FAM227B: variants seen among roughly 807,000 people sequenced by gnomAD.
FAM227B encodes protein FAM227B.
FAM227B carries 88 observed loss-of-function variants against 73.8 expected under a neutral mutation model. The ratio of observed to expected loss-of-function variants is 1.19; its 90% CI spans 1.00 to 1.42. The LOEUF (loss-of-function observed/expected upper bound fraction) is 1.42, where lower values mean the gene tolerates loss of function less well. Ranked by LOEUF, FAM227B falls within the 40% of genes most tolerant of loss-of-function variation. FAM227B has a pLI of 0.00. For synonymous variants in FAM227B, 210 were observed against 190.5 expected (o/e 1.10, Z -0.84); for missense variants, 632 against 590.9 (o/e 1.07, Z -0.72).
At chr15:49,432,724 T>C (rs1262997802) in intron 11 of FAM227B, among the ~76,000 whole-genome samples, 1 of 151,690 alleles carries the variant, frequency 6.6e-6, no homozygotes, top group Non-Finnish European at 1.5e-5. Context: ...GAAGATTATA[T>C]ATGATTTCGG....
At chr15:49,555,709 A>G (rs1466369236) in intron 9 of FAM227B, among the ~76,000 whole-genome samples, 2 of 152,160 alleles carry the variant, frequency 1.3e-5, no homozygotes, top group Non-Finnish European at 2.9e-5. Flanking sequence ...TCTTTACATA[A>G]TCCCATATCT....
chr15:49,546,421 G>A (rs1158277342), intron 9 of FAM227B, among the ~76,000 whole-genome samples: 3 of 152,064 alleles, frequency 2.0e-5, no homozygotes, highest in Non-Finnish European at 2.9e-5. Context: ...ATAAACATAC[G>A]TGTGCATGTG....
At chr15:49,406,922 A>G (rs1294709952) in intron 11 of FAM227B, among the ~76,000 whole-genome samples, 2 of 152,044 alleles carry the variant, frequency 1.3e-5, no homozygotes, top group Non-Finnish European at 1.5e-5. Flanking sequence ...GTTATGAGGC[A>G]GGACCCCAGA....
intron 11 of FAM227B, among the ~76,000 whole-genome samples, chr15:49,499,376 A>G (rs931853932): frequency 2.0e-5 from 3 of 152,110 alleles, no homozygotes; most frequent in African/African-American, 7.2e-5. Context: ...AGTAAAAACT[A>G]GAAAACATTG....
At chr15:49,530,563 G>A (rs1035769645) in intron 10 of FAM227B, among the ~76,000 whole-genome samples, 7 of 151,746 alleles carry the variant, frequency 4.6e-5, no homozygotes, top group Middle Eastern at 3.5e-3. Flanking sequence ...GATACCATTG[G>A]GTAAAAGTGA....
intron 5 of FAM227B, among the ~76,000 whole-genome samples, chr15:49,584,219 C>G (rs2076001575): frequency 6.6e-6 from 1 of 152,192 alleles, no homozygotes; most frequent in South Asian, 2.1e-4. Context: ...ATATGCAAAT[C>G]AATAAATGTG....
chr15:49,541,643 C>A, intron 10 of FAM227B, 37 bp downstream of exon 10: 2 of 1,357,480 alleles, frequency 1.5e-6, no homozygotes, highest in East Asian at 5.5e-5. Context: ...TTTTAGAAAC[C>A]AAAACAATGA....
At chr15:49,577,862 A>C (rs2075560239) in intron 5 of FAM227B, among the ~76,000 whole-genome samples, 198 bp from the exon 6 acceptor site, 1 of 152,226 alleles carries the variant, frequency 6.6e-6, no homozygotes, top group Non-Finnish European at 1.5e-5. Flanking sequence ...GTTATGGTTC[A>C]AAAACGGAAT....
At chr15:49,436,405 T>C (rs560743687) in intron 11 of FAM227B, among the ~76,000 whole-genome samples, 1 of 151,652 alleles carries the variant, frequency 6.6e-6, no homozygotes, top group Admixed American at 6.6e-5. Flanking sequence ...CCTTCCAGCT[T>C]TCCTTTTATC....
chr15:49,459,119 A>G (rs1004044173), intron 11 of FAM227B, among the ~76,000 whole-genome samples: 7 of 152,216 alleles, frequency 4.6e-5, no homozygotes, highest in African/African-American at 1.4e-4. Flanking sequence ...AGTTTCCCAG[A>G]AAGTTTCAAA....
At chr15:49,371,730 A>G (rs1163509649) in intron 11 of FAM227B, among the ~76,000 whole-genome samples, 2 of 150,156 alleles carry the variant, frequency 1.3e-5, no homozygotes, top group East Asian at 3.9e-4. Context: ...ACTTATAAAT[A>G]AATAATGAAA....
chr15:49,589,055 T>C (rs538976555), intron 4 of FAM227B, among the ~76,000 whole-genome samples: 3 of 152,268 alleles, frequency 2.0e-5, no homozygotes, highest in South Asian at 4.1e-4. Flanking sequence ...ATTATAAGTA[T>C]TTAAAACTAT....
chr15:49,487,680 A>G (rs910526599), intron 11 of FAM227B: 1 of 151,928 alleles, frequency 6.6e-6, no homozygotes, highest in Non-Finnish European at 1.5e-5. Context: ...AATTTCTCTA[A>G]TAGTAGAGGT....
rs77034481 is a variant in FAM227B, at chr15:49,557,745, C to G, written c.747+10500G>C. On this transcript the variant is annotated intron_variant, in intron 9 of 15. Coordinates refer to ENST00000299338, the MANE Select transcript of FAM227B (RefSeq NM_152647.3). ...ACTTCTGTGATAGACCTTTGCAATC[C>G]CGGACATGAGAGATATTCCTGACCC... Among the ~76,000 whole-genome samples, 348 of 152,226 alleles carry G rather than the reference C, an allele frequency of 2.3e-3. 13 individuals are homozygous for G. The East Asian group carries it at 0.063, about 27-fold the overall frequency.
At chr15:49,530,186 T>C (rs1210164217) in intron 10 of FAM227B, among the ~76,000 whole-genome samples, 3 of 151,794 alleles carry the variant, frequency 2.0e-5, no homozygotes, top group African/African-American at 7.2e-5. Flanking sequence ...AAACAATATA[T>C]GTAACAGATG....
intron 5 of FAM227B, among the ~76,000 whole-genome samples, chr15:49,578,077 T>C (rs1350452369): frequency 7.2e-5 from 11 of 152,164 alleles, no homozygotes; most frequent in Admixed American, 7.2e-4. Flanking sequence ...ATGGAGAAAT[T>C]AGTTATGATG....
intron 11 of FAM227B, chr15:49,424,001 C>T (rs1049147260): frequency 1.1e-5 from 3 of 284,584 alleles, no homozygotes; most frequent in African/African-American, 2.2e-5. Context: ...CTCTCCTCCC[C>T]TCCCTATTCT....
intron 9 of FAM227B, among the ~76,000 whole-genome samples, chr15:49,557,837 A>C (rs2073870852): frequency 6.6e-6 from 1 of 152,208 alleles, no homozygotes; most frequent in Non-Finnish European, 1.5e-5. Flanking sequence ...TGAAGCCCAC[A>C]TGGGGCCCTA....
At chr15:49,523,969 G>A (rs1233202454) in intron 10 of FAM227B, among the ~76,000 whole-genome samples, 2 of 151,170 alleles carry the variant, frequency 1.3e-5, no homozygotes, top group African/African-American at 4.8e-5. Context: ...TTCAAGATGT[G>A]ACTTGGATGC....
Sources: allele counts gnomAD v4.1 joint callset (sites outside exome capture counted in the v4.1 genomes callset), GRCh38; gene constraint gnomAD v4.1.1; transcripts MANE v1.5; gene names NCBI Gene and HGNC (gene_info 2026-07-23, HGNC 2026-07-21).